Variants in CAB39 observed in about 807,000 individuals in gnomAD.
The protein encoded by CAB39 is calcium binding protein 39.
CAB39 carries 8 observed loss-of-function variants against 40.0 expected under a neutral mutation model. That is an observed-to-expected ratio of 0.20 (90% CI 0.12 to 0.36). The LOEUF (loss-of-function observed/expected upper bound fraction) is 0.36, where lower values mean the gene tolerates loss of function less well. Among genes scored for constraint, CAB39 ranks in the 10% least tolerant of loss-of-function variants. The pLI, the probability that CAB39 is intolerant of heterozygous loss-of-function variation, is 1.00. For missense variants in CAB39, 270 were observed against 401.1 expected (o/e 0.67, Z 2.79); for synonymous variants, 156 against 141.6 (o/e 1.10, Z -0.72).
At chr2:230,746,001 T>C (rs1346382242) in intron 1 of CAB39, among the ~76,000 whole-genome samples, 1 of 152,232 alleles carries the variant, frequency 6.6e-6, no homozygotes, top group African/African-American at 2.4e-5. Flanking sequence ...ATTTGACTCA[T>C]AATCTTAGAA....
At chr2:230,783,656 G>A (rs1380000235) in intron 2 of CAB39, among the ~76,000 whole-genome samples, 2 of 138,236 alleles carry the variant, frequency 1.4e-5, no homozygotes, top group African/African-American at 2.7e-5. Context: ...GCACCACTAT[G>A]CCCAGCTAAT....
At chr2:230,736,706 G>A (rs1241755940) in intron 1 of CAB39, among the ~76,000 whole-genome samples, 5 of 152,146 alleles carry the variant, frequency 3.3e-5, no homozygotes, top group Admixed American at 6.5e-5. Flanking sequence ...GGAGGGGAAG[G>A]AGGGGAGTCA....
Position 230,715,675 on chromosome 2 carries a change from A to G in CAB39, c.-44+2445A>G, listed in dbSNP as rs79600821. 4.5e-3 allele frequency among the ~76,000 whole-genome samples: 689 copies of G among 152,326 alleles called. 4 individuals carry two copies. The highest frequency in any genetic ancestry group is 0.017 in the Middle Eastern group (5 of 294). On this transcript the variant is annotated intron_variant, in intron 1 of 8. Coordinates refer to ENST00000258418, the MANE Select transcript of CAB39 (RefSeq NM_016289.4). ...ATATTTCATGAAATGGTTTGCTACT[A>G]TAACAAATGGGTGGTATTTGCCTTT...
chr2:230,725,085 C>T lies in CAB39; in HGVS notation c.-44+11855C>T. The T allele has an allele frequency of 1.9e-6, 3 of 1,570,504 alleles. No homozygotes were observed. The South Asian group carries it at 3.3e-5, about 18-fold the overall frequency. On this transcript the variant is annotated intron_variant, in intron 1 of 8. Coordinates refer to ENST00000258418, the MANE Select transcript of CAB39 (RefSeq NM_016289.4). ...CCTTCGTAGAGGACAGGGGAGGAGT[C>T]CCTACTCGGCTGCAAACTCTGGTTG... is the stretch of plus-strand genomic sequence containing the variant.
chr2:230,784,031 CT>C (rs1340188712), intron 2 of CAB39, among the ~76,000 whole-genome samples: 1 of 152,146 alleles, frequency 6.6e-6, no homozygotes, highest in African/African-American at 2.4e-5. Flanking sequence ...ATTAGGCCCC[CT>C]GCAATCCAAA....
intron 1 of CAB39, among the ~76,000 whole-genome samples, chr2:230,716,536 C>G (rs1694352905): frequency 6.6e-6 from 1 of 152,174 alleles, no homozygotes; most frequent in Non-Finnish European, 1.5e-5. Flanking sequence ...GGCATTGTTT[C>G]TATTCCAGCT....
chr2:230,773,910 A>G (rs1326726404), intron 2 of CAB39, among the ~76,000 whole-genome samples: 1 of 152,168 alleles, frequency 6.6e-6, no homozygotes, highest in Admixed American at 6.5e-5. Context: ...CTGAAGAGGT[A>G]TTGACATGGA....
At chr2:230,754,455 T>TCCCC (rs1695152695) in intron 1 of CAB39, among the ~76,000 whole-genome samples, 2 of 127,758 alleles carry the variant, frequency 1.6e-5, no homozygotes, top group Admixed American at 7.6e-5. Context: ...TTCTTCCCCT[T>TCCCC]TCCCTCCTTC....
rs1696474316 is a variant in CAB39, at chr2:230,819,764, T to G, written c.*1060T>G. ...TGGAGCTCAGTCAGCCACACCTTCC[T>G]GCATCCTATTGGCCTTATTCATTTT... On this transcript the variant is annotated 3_prime_UTR_variant, in exon 9 of 9. Transcript: ENST00000258418. The G allele has an allele frequency of 6.6e-6, 1 of 152,320 alleles. No homozygotes were observed. Among genetic ancestry groups the G allele is most frequent in the Non-Finnish European group, 1.5e-5 (1 of 68,050 alleles). 9.4% of individuals were successfully genotyped at this position (152,320 alleles called of 1,614,324 possible).
chr2:230,775,313 G>A (rs897033178), intron 2 of CAB39, among the ~76,000 whole-genome samples: 126 of 149,420 alleles, frequency 8.4e-4, no homozygotes, highest in African/African-American at 3.0e-3. Flanking sequence ...TCGGCTCACC[G>A]CAACCTCCGC....
chr2:230,796,961 GA>G (rs1695996853), intron 4 of CAB39, among the ~76,000 whole-genome samples: 1 of 152,180 alleles, frequency 6.6e-6, no homozygotes, highest in Non-Finnish European at 1.5e-5. Flanking sequence ...GCTAGAACAG[GA>G]GATCTAATAA....
At chr2:230,758,214 A>G (rs1368083496) in intron 1 of CAB39, among the ~76,000 whole-genome samples, 1 of 151,788 alleles carries the variant, frequency 6.6e-6, no homozygotes, top group Non-Finnish European at 1.5e-5. Flanking sequence ...GAGGCACAAG[A>G]ATCACTTGAA....
intron 2 of CAB39, among the ~76,000 whole-genome samples, chr2:230,790,221 C>T (rs1695869531): frequency 6.6e-6 from 1 of 150,806 alleles, no homozygotes; most frequent in Non-Finnish European, 1.5e-5. Flanking sequence ...CAGGCCTGGG[C>T]GACAGCACGA....
In CAB39 at chr2:230,818,614, C is replaced by A; in HGVS notation, c.936C>A (p.Asp312Glu). 1 of 1,614,148 alleles carries A rather than the reference C, an allele frequency of 6.2e-7. No individual in the cohort carries two copies. ...AGTTCCTCAGCAAGTTTCAGAACGACAGGACGGAGGATGAGCAGTTTAACG... is the reference window on the plus strand; with the variant it reads ...AGTTCCTCAGCAAGTTTCAGAACGAAAGGACGGAGGATGAGCAGTTTAACG... Reference protein sequence around the residue: ...LIEFLSKFQNDRTEDEQFNDE... With the variant: ...LIEFLSKFQNERTEDEQFNDE... The change falls in exon 9 of 9, where the codon GAC becomes GAA. Residue 312 changes from aspartate (D) to glutamate (E), a missense_variant. By Grantham distance (45) the Asp-to-Glu change is conservative. Transcript: ENST00000258418.
intron 2 of CAB39, among the ~76,000 whole-genome samples, chr2:230,782,813 C>CTTTCTTTCTTTTTTTTTTTTTT (rs1286339069): frequency 3.7e-5 from 3 of 81,766 alleles, no homozygotes; most frequent in African/African-American, 1.3e-4. Context: ...TTCTTTCTTT[C>CTTTCTTTCTTTTTTTTTTTTTT]TTTTTTTTTT....
Position 230,782,809 on chromosome 2 carries a change from CTTTCTTT to C in CAB39, c.115-8059_115-8053del, listed in dbSNP as rs1179453283. 2.1e-4 allele frequency among the ~76,000 whole-genome samples: 24 copies of C among 112,448 alleles called. 1 individual carries two copies. Among genetic ancestry groups the C allele is most frequent in the African/African-American group, 1.1e-3 (23 of 21,058 alleles). 73.8% of individuals were successfully genotyped at this position (112,448 alleles called of 152,430 possible). On this transcript the variant is annotated intron_variant, in intron 2 of 8. Coordinates refer to ENST00000258418, the MANE Select transcript of CAB39 (RefSeq NM_016289.4). Reference sequence around the variant, plus strand: ...CTGCTGTTTCTTTCTTTCTTTCTTTCTTTCTTTTTTTTTTTTTTTTTTTGAGAAGAAG... The same window carrying C: ...CTGCTGTTTCTTTCTTTCTTTCTTTCTTTTTTTTTTTTTTTTGAGAAGAAG...
chr2:230,817,441 T>C (rs1247747320), intron 7 of CAB39, among the ~76,000 whole-genome samples: 1 of 152,204 alleles, frequency 6.6e-6, no homozygotes, highest in African/African-American at 2.4e-5. Context: ...TTTAGTGAGC[T>C]AACACAAATG....
intron 1 of CAB39, among the ~76,000 whole-genome samples, chr2:230,715,742 G>T (rs1452861480): frequency 6.6e-6 from 1 of 152,154 alleles, no homozygotes; most frequent in East Asian, 1.9e-4. Flanking sequence ...TCACTCGGTC[G>T]CTCAGGCCGG....
chr2:230,804,480 GT>G (rs1344594068), intron 5 of CAB39, among the ~76,000 whole-genome samples: 1 of 152,110 alleles, frequency 6.6e-6, no homozygotes, highest in African/African-American at 2.4e-5. Context: ...GGGAGAAAAT[GT>G]TTGCAATCTA....
Sources: allele counts gnomAD v4.1 joint callset (sites outside exome capture counted in the v4.1 genomes callset), GRCh38; gene constraint gnomAD v4.1.1; transcripts MANE v1.5; gene names NCBI Gene and HGNC (gene_info 2026-07-23, HGNC 2026-07-21).